SEMA3A: variants seen among roughly 807,000 people sequenced by gnomAD.
The protein encoded by SEMA3A is semaphorin 3A.
A neutral mutation model predicts 97.9 loss-of-function variants in SEMA3A; 29 were observed. The ratio of observed to expected loss-of-function variants is 0.30; its 90% confidence interval spans 0.22 to 0.40. The LOEUF (loss-of-function observed/expected upper bound fraction) is 0.40. Among genes scored for constraint, SEMA3A ranks in the 10% least tolerant of loss-of-function variants. SEMA3A has a pLI of 1.00. For missense variants in SEMA3A, 763 were observed against 951.3 expected, an observed-to-expected ratio of 0.80 and a Z score of 2.60; for synonymous variants, 321 against 323.7, an observed-to-expected ratio of 0.99 and a Z score of 0.09.
intron 15 of SEMA3A, among the ~76,000 whole-genome samples, chr7:83,967,391 C>G (rs1354207758): frequency 1.3e-5 from 2 of 152,154 alleles, no homozygotes; most frequent in Admixed American, 6.5e-5. Context: ...AAAGTACGAA[C>G]AGAAATAATA....
intron 12 of SEMA3A, among the ~76,000 whole-genome samples, chr7:83,997,450 G>T (rs1053805852): frequency 6.6e-6 from 1 of 151,948 alleles, no homozygotes; most frequent in Non-Finnish European, 1.5e-5. Flanking sequence ...TATTCCAATT[G>T]CTAGACCACA....
At chr7:84,402,970 C>T (rs893046235) in intron 1 of SEMA3A, among the ~76,000 whole-genome samples, 1 of 151,978 alleles carries the variant, frequency 6.6e-6, no homozygotes. Context: ...GGAGTGTGAG[C>T]AACGCAGAAG....
At chr7:84,283,915 A>C (rs1562886058) in intron 3 of SEMA3A, among the ~76,000 whole-genome samples, 1 of 152,066 alleles carries the variant, frequency 6.6e-6, no homozygotes, top group Non-Finnish European at 1.5e-5. Flanking sequence ...TTATTCCTTA[A>C]ATTTTTTTCC....
At chr7:84,059,790 G>A (rs1334537843) in intron 5 of SEMA3A, among the ~76,000 whole-genome samples, 1 of 151,796 alleles carries the variant, frequency 6.6e-6, no homozygotes, top group African/African-American at 2.4e-5. Context: ...AGGAAAAAAT[G>A]ATAAAATAAA....
chr7:84,217,587 TCA>T (rs1798779452), intron 3 of SEMA3A, among the ~76,000 whole-genome samples: 2 of 152,026 alleles, frequency 1.3e-5, no homozygotes. Context: ...GAAGAGGGAA[TCA>T]CAGAAGAATA....
chr7:84,416,287 G>C (rs1162440528), intron 1 of SEMA3A, among the ~76,000 whole-genome samples: 1 of 151,978 alleles, frequency 6.6e-6, no homozygotes, highest in Non-Finnish European at 1.5e-5. Flanking sequence ...TTCCACTTTT[G>C]CTTCTTCCTC....
At chr7:84,203,229 A>G (rs773332401) in intron 3 of SEMA3A, among the ~76,000 whole-genome samples, 2 of 151,746 alleles carry the variant, frequency 1.3e-5, no homozygotes, top group Non-Finnish European at 1.5e-5. Context: ...CCTTCTTCCT[A>G]TGTTTCTACG....
intron 3 of SEMA3A, among the ~76,000 whole-genome samples, chr7:84,234,973 T>A (rs966404983): frequency 6.6e-6 from 1 of 152,040 alleles, no homozygotes; most frequent in African/African-American, 2.4e-5. Context: ...TTTTCCTGCG[T>A]TTTTACTCTG....
At chr7:84,112,500 AG>A (rs1795304480) in intron 3 of SEMA3A, among the ~76,000 whole-genome samples, 1 of 152,170 alleles carries the variant, frequency 6.6e-6, no homozygotes, top group Non-Finnish European at 1.5e-5. Flanking sequence ...GAAATATGAC[AG>A]TGAACTTACT....
At chr7:83,965,099 ATT>A (rs11332458) in intron 15 of SEMA3A, among the ~76,000 whole-genome samples, 12,341 of 143,260 alleles carry the variant, frequency 0.086, 1,675 homozygotes, top group African/African-American at 0.29. Context: ...ACTTTTTTGT[ATT>A]TTTTTTTTTT....
At chr7:84,000,843 A>G (rs959401686) in intron 12 of SEMA3A, among the ~76,000 whole-genome samples, 2 of 152,186 alleles carry the variant, frequency 1.3e-5, no homozygotes, top group African/African-American at 4.8e-5. Context: ...ATACTACTGA[A>G]GAGTGAGGAA....
rs116108153 is a variant in SEMA3A at position 83,967,872 on chromosome 7, T to C, written c.1718-4525A>G. Among the ~76,000 whole-genome samples, 1,462 of 152,334 alleles carry C rather than the reference T, an allele frequency of 9.6e-3. 19 individuals are homozygous for C. Among genetic ancestry groups the C allele is most frequent in the African/African-American group, 0.033 (1,391 of 41,586 alleles). ...GATATTTCAATACATGTATACATTG[T>C]ATAATGATCAAATCAGGGTAATTAC... On this transcript the variant is annotated intron_variant, in intron 15 of 16. Coordinates refer to ENST00000265362, the MANE Select transcript of SEMA3A (RefSeq NM_006080.3).
chr7:84,087,764 T>C (rs577941637), intron 4 of SEMA3A, among the ~76,000 whole-genome samples: 3 of 152,340 alleles, frequency 2.0e-5, no homozygotes, highest in East Asian at 3.9e-4. Flanking sequence ...TCTTGAATCC[T>C]TTTCTGAACA....
chr7:84,126,126 TGTTA>T (rs775683506), intron 3 of SEMA3A, among the ~76,000 whole-genome samples: 3 of 152,206 alleles, frequency 2.0e-5, no homozygotes, highest in Admixed American at 6.5e-5. Context: ...ATATTTATAT[TGTTA>T]GTTATTAATA....
intron 3 of SEMA3A, among the ~76,000 whole-genome samples, chr7:84,299,249 TATATATATATCTCC>T (rs1255314169): frequency 2.7e-5 from 4 of 147,214 alleles, no homozygotes; most frequent in East Asian, 2.0e-4. Flanking sequence ...TGTGTATATA[TATATATATATCTCC>T]ATATATATAT....
At chr7:83,992,285 A>AT (rs1477197404) in intron 12 of SEMA3A, among the ~76,000 whole-genome samples, 2 of 148,110 alleles carry the variant, frequency 1.4e-5, no homozygotes, top group African/African-American at 5.1e-5. Flanking sequence ...GGATTCATTC[A>AT]TTTTTTGAAG....
intron 2 of SEMA3A, among the ~76,000 whole-genome samples, chr7:84,129,413 G>A (rs1291928261): frequency 1.3e-5 from 2 of 152,164 alleles, no homozygotes; most frequent in African/African-American, 4.8e-5. Context: ...TAAAAGTTGA[G>A]CAAGAGAGAA....
At chr7:84,464,140 A>C (rs1805933181) in intron 1 of SEMA3A, among the ~76,000 whole-genome samples, 1 of 152,246 alleles carries the variant, frequency 6.6e-6, no homozygotes, top group South Asian at 2.1e-4. Flanking sequence ...GACAGAAAAC[A>C]GAAATTAACA....
At chr7:84,428,713 CA>C (rs140982452) in intron 1 of SEMA3A, among the ~76,000 whole-genome samples, 3,980 of 151,866 alleles carry the variant, frequency 0.026, 161 homozygotes, top group African/African-American at 0.09. Context: ...TACTTTCCAC[CA>C]AAACTGTATA....
Sources: gnomAD v4.1 joint callset for allele counts (sites outside exome capture counted in the v4.1 genomes callset) on GRCh38, gnomAD v4.1.1 for gene constraint, MANE v1.5 for transcripts, NCBI Gene and HGNC (gene_info 2026-07-23, HGNC 2026-07-21) for gene names.